The following SKAP2 variants were observed in gnomAD, a reference collection of about 807,000 sequenced individuals.
SKAP2 encodes src kinase-associated phosphoprotein 2.
In SKAP2, 28 loss-of-function variants were observed where a neutral mutation model predicts 54.9. The ratio of observed to expected loss-of-function variants is 0.51; its 90% confidence interval spans 0.38 to 0.70. The LOEUF is 0.70. Among genes scored for constraint, SKAP2 ranks in the 30% least tolerant of loss-of-function variants. SKAP2 has a pLI of 0.00. For synonymous variants in SKAP2, 137 were observed against 134.3 expected, an observed-to-expected ratio of 1.02 and a Z score of -0.14; for missense variants, 356 against 424.1, an observed-to-expected ratio of 0.84 and a Z score of 1.41.
In SKAP2 at chr7:26,844,110, T is replaced by A. The variant is rs775739380; in HGVS notation, c.227A>T (p.Asp76Val). ...GTCTGGAGGCCCAGCAAAAGGGTCA[T>A]CATATTCTTCCCCATCTTCTGCATC... ...KGDAEDGEEY[D>V]DPFAGPPDTI... is the part of the protein sequence containing the mutation. The change falls in exon 4 of 13, where the codon GAT becomes GTT. Residue 76 changes from aspartate (D) to valine (V), a missense_variant. By Grantham distance (152) the Asp-to-Val change is radical (BLOSUM62 -3). Coordinates refer to ENST00000345317, the MANE Select transcript of SKAP2 (RefSeq NM_003930.5). The A allele has an allele frequency of 1.2e-6, 2 of 1,609,458 alleles. No homozygotes were observed. The highest frequency in any genetic ancestry group is 4.5e-5 in the East Asian group (2 of 44,782).
the SKAP2 span, among the ~76,000 whole-genome samples, chr7:26,655,361 G>A: frequency 6.6e-6 from 1 of 152,118 alleles, no homozygotes; most frequent in African/African-American, 2.4e-5. Context: ...TAAAGTGATT[G>A]CTGTTGACCA....
At chr7:26,753,243 A>T (rs1782723092) in intron 4 of SKAP2, among the ~76,000 whole-genome samples, 1 of 152,212 alleles carries the variant, frequency 6.6e-6, no homozygotes, top group Non-Finnish European at 1.5e-5. Flanking sequence ...ATAGTGTGTC[A>T]CAAGAGTGTC....
chr7:26,662,760 T>C (rs781428271), downstream of SKAP2, among the ~76,000 whole-genome samples: 2 of 152,096 alleles, frequency 1.3e-5, no homozygotes, highest in Non-Finnish European at 2.9e-5. Flanking sequence ...GGTTTTTCAA[T>C]TCAGGATGCT....
chr7:26,673,613 T>C (rs921990363), intron 11 of SKAP2, among the ~76,000 whole-genome samples: 2 of 152,084 alleles, frequency 1.3e-5, no homozygotes, highest in Admixed American at 6.6e-5. Context: ...ATCTGCAAAA[T>C]GGATGGCTTC....
chr7:26,748,968 G>T (rs1008516086), intron 4 of SKAP2, among the ~76,000 whole-genome samples: 2 of 151,976 alleles, frequency 1.3e-5, no homozygotes, highest in Non-Finnish European at 2.9e-5. Flanking sequence ...ATAATAGGAG[G>T]GCATACTATG....
chr7:26,725,833 A>G, intron 8 of SKAP2, 90 bp downstream of exon 8: 1 of 1,054,868 alleles, frequency 9.5e-7, no homozygotes, highest in East Asian at 2.4e-5. Context: ...TTCTCACAGA[A>G]GTCAATAAGC....
intron 4 of SKAP2, among the ~76,000 whole-genome samples, chr7:26,763,316 A>G (rs1397594115): frequency 1.3e-5 from 2 of 152,168 alleles, no homozygotes; most frequent in African/African-American, 4.8e-5. Context: ...ACTCAGACAT[A>G]AAAGATACAA....
intron 10 of SKAP2, among the ~76,000 whole-genome samples, chr7:26,686,216 A>G (rs912899380): frequency 1.6e-4 from 25 of 152,216 alleles, no homozygotes; most frequent in African/African-American, 6.0e-4. Flanking sequence ...AGCAAATAGA[A>G]TGCTACTTTT....
chr7:26,827,525 T>C (rs1179101578), intron 4 of SKAP2, among the ~76,000 whole-genome samples: 1 of 152,136 alleles, frequency 6.6e-6, no homozygotes, highest in African/African-American at 2.4e-5. Flanking sequence ...AAAATACGAC[T>C]ATGGCTATGG....
In SKAP2 at chr7:26,764,324, TAGA is replaced by T. The variant is rs1481638550; in HGVS notation, c.308-24363_308-24361del. On this transcript the variant is annotated intron_variant, in intron 4 of 12. Transcript: ENST00000345317. ...ATAGGAATAGCATAGTCATTCTCTA[TAGA>T]AGAAGAAGAAAACATAGATCAGGAA... Among the ~76,000 whole-genome samples, 3 of 152,134 alleles carry T rather than the reference TAGA, an allele frequency of 2.0e-5. No homozygotes were observed. In the East Asian group the frequency reaches 5.8e-4, roughly 29 times the overall value.
intron 9 of SKAP2, among the ~76,000 whole-genome samples, chr7:26,692,809 T>C (rs1471959400): frequency 6.6e-6 from 1 of 152,214 alleles, no homozygotes; most frequent in Non-Finnish European, 1.5e-5. Context: ...AAGGAACGTT[T>C]ACAGTCATTA....
chr7:26,780,699 T>C (rs1345372146), intron 4 of SKAP2, among the ~76,000 whole-genome samples: 1 of 152,108 alleles, frequency 6.6e-6, no homozygotes, highest in African/African-American at 2.4e-5. Context: ...TATATACACA[T>C]AGATAAACAC....
intron 6 of SKAP2, among the ~76,000 whole-genome samples, chr7:26,732,974 C>T (rs1026703659): frequency 2.9e-4 from 44 of 151,964 alleles, no homozygotes; most frequent in African/African-American, 1.0e-3. Flanking sequence ...GCCATAAAGG[C>T]AGAAAATAAA....
chr7:26,802,481 G>C (rs1783936243), intron 4 of SKAP2, among the ~76,000 whole-genome samples: 1 of 151,914 alleles, frequency 6.6e-6, no homozygotes, highest in Admixed American at 6.6e-5. Flanking sequence ...ATGTTGGTCA[G>C]GCTGGTCTCG....
intron 4 of SKAP2, among the ~76,000 whole-genome samples, chr7:26,805,769 T>C (rs1338339266): frequency 6.6e-6 from 1 of 152,208 alleles, no homozygotes; most frequent in Admixed American, 6.5e-5. Context: ...CCCCAATGCT[T>C]GACTCACAGA....
intron 4 of SKAP2, among the ~76,000 whole-genome samples, chr7:26,754,937 C>T (rs192585268): frequency 2.6e-4 from 39 of 152,236 alleles, no homozygotes; most frequent in African/African-American, 9.4e-4. Flanking sequence ...ATACACATCC[C>T]GCTAAAATTC....
chr7:26,849,415 C>G (rs1305827461), intron 3 of SKAP2, among the ~76,000 whole-genome samples: 1 of 151,972 alleles, frequency 6.6e-6, no homozygotes, highest in Non-Finnish European at 1.5e-5. Context: ...AGGCCGGGCA[C>G]AGTGGTCCAC....
chr7:26,670,872 G>C (rs2128083511), intron 11 of SKAP2, among the ~76,000 whole-genome samples: 1 of 152,084 alleles, frequency 6.6e-6, no homozygotes, highest in East Asian at 1.9e-4. Context: ...TAGGTAGAAG[G>C]AATTTAAAGG....
At chr7:26,686,064 T>C (rs752735384) in intron 10 of SKAP2, among the ~76,000 whole-genome samples, 3 of 152,126 alleles carry the variant, frequency 2.0e-5, no homozygotes, top group Non-Finnish European at 2.9e-5. Context: ...AGCATGTCAT[T>C]AGGGTGTTCA....
Sources: gnomAD v4.1 joint callset for allele counts (sites outside exome capture counted in the v4.1 genomes callset) on GRCh38, gnomAD v4.1.1 for gene constraint, MANE v1.5 for transcripts, NCBI Gene and HGNC (gene_info 2026-07-23, HGNC 2026-07-21) for gene names.